HS3ST2: variants seen among roughly 807,000 people sequenced by gnomAD.
The protein encoded by HS3ST2 is heparan sulfate-glucosamine 3-sulfotransferase 2.
Under a neutral mutation model 26.3 loss-of-function variants are expected in HS3ST2, and 17 were observed. The observed-to-expected ratio is 0.65, with a 90% CI of 0.44 to 0.97. The LOEUF (loss-of-function observed/expected upper bound fraction) is 0.97. Among genes scored for constraint, HS3ST2 ranks in the 50% least tolerant of loss-of-function variants. The pLI is 0.00. For synonymous variants in HS3ST2, 237 were observed against 219.2 expected, an observed-to-expected ratio of 1.08 and a Z score of -0.72; for missense variants, 402 against 501.2, an observed-to-expected ratio of 0.80 and a Z score of 1.89.
chr16:22,860,121 T>C (rs1176058594), intron 1 of HS3ST2, among the ~76,000 whole-genome samples: 1 of 152,192 alleles, frequency 6.6e-6, no homozygotes, highest in East Asian at 1.9e-4. Context: ...AGTCTGTTAT[T>C]GTGCTGCTAA....
Position 22,912,348 on chromosome 16 carries a change from C to A in HS3ST2, c.486-2596C>A, listed in dbSNP as rs150296181. 1.7e-4 allele frequency among the ~76,000 whole-genome samples: 26 copies of A among 152,154 alleles called. No individual in the cohort carries two copies. The East Asian group carries it at 4.6e-3, about 27-fold the overall frequency. On this transcript the variant is annotated intron_variant, in intron 1 of 1. Transcript: ENST00000261374. Reference sequence around the variant, plus strand: ...TGGAGTGTCAAAGGTCAAAGAACTGCGAGGCCAGGGTATTGGGTGGAGATA... The same window carrying A: ...TGGAGTGTCAAAGGTCAAAGAACTGAGAGGCCAGGGTATTGGGTGGAGATA...
At chr16:22,866,207 T>C (rs1228505231) in intron 1 of HS3ST2, among the ~76,000 whole-genome samples, 3 of 152,058 alleles carry the variant, frequency 2.0e-5, no homozygotes, top group African/African-American at 4.8e-5. Context: ...CATTGTTTTG[T>C]GATTAGCAGA....
intron 1 of HS3ST2, among the ~76,000 whole-genome samples, chr16:22,824,522 G>T (rs1302349710): frequency 6.6e-6 from 1 of 152,102 alleles, no homozygotes; most frequent in African/African-American, 2.4e-5. Context: ...ACTCCAGCCT[G>T]GGTGACAGGG....
At chr16:22,905,858 T>A (rs753851993) in intron 1 of HS3ST2, among the ~76,000 whole-genome samples, 5 of 152,196 alleles carry the variant, frequency 3.3e-5, no homozygotes, top group African/African-American at 4.8e-5. Flanking sequence ...ATCGTAAGAA[T>A]CATGGGGGAG....
intron 1 of HS3ST2, among the ~76,000 whole-genome samples, chr16:22,894,381 G>T: frequency 6.6e-6 from 1 of 152,190 alleles, no homozygotes; most frequent in Admixed American, 6.5e-5. Flanking sequence ...GTGGGTAGGG[G>T]GAAGGCTCTG....
At chr16:22,857,428 C>T (rs911808490) in intron 1 of HS3ST2, among the ~76,000 whole-genome samples, 1 of 152,090 alleles carries the variant, frequency 6.6e-6, no homozygotes, top group African/African-American at 2.4e-5. Flanking sequence ...GATTTTAAAG[C>T]GTAAACAGTG....
chr16:22,914,062 TG>T (rs993944189), intron 1 of HS3ST2, among the ~76,000 whole-genome samples: 1 of 151,854 alleles, frequency 6.6e-6, no homozygotes, highest in African/African-American at 2.4e-5. Context: ...CAATGGAGCC[TG>T]GAGTTCGAGG....
At chr16:22,909,912 C>T (rs543209559) in intron 1 of HS3ST2, among the ~76,000 whole-genome samples, 2 of 152,026 alleles carry the variant, frequency 1.3e-5, no homozygotes, top group South Asian at 4.1e-4. Context: ...TGGCACATGC[C>T]TGTAATCCCA....
chr16:22,900,584 A>G (rs1902269955), intron 1 of HS3ST2, among the ~76,000 whole-genome samples: 1 of 152,076 alleles, frequency 6.6e-6, no homozygotes, highest in Admixed American at 6.6e-5. Context: ...CAACTGGTGA[A>G]TGGTGGGGCC....
chr16:22,846,398 C>G (rs971062466), intron 1 of HS3ST2, among the ~76,000 whole-genome samples: 5 of 152,156 alleles, frequency 3.3e-5, no homozygotes, highest in African/African-American at 9.7e-5. Context: ...GCTCTCACCT[C>G]TAATGCCTCC....
rs113626422 is a variant in HS3ST2, at chr16:22,834,752, C to T, written c.485+19657C>T. Among the ~76,000 whole-genome samples the T allele has an allele frequency of 8.0e-3, 1,180 of 146,588 alleles. 15 individuals carry two copies. The highest frequency in any genetic ancestry group is 0.026 in the African/African-American group (1,069 of 40,456). On this transcript the variant is annotated intron_variant, in intron 1 of 1. Transcript: ENST00000261374. ...TGGCAATAGAGCTGAAGCATTTATA[C>T]TTCCCTAGCACAGTCTGAAAGGACT...
intron 1 of HS3ST2, among the ~76,000 whole-genome samples, chr16:22,840,223 C>T (rs1003633960): frequency 6.6e-6 from 1 of 152,116 alleles, no homozygotes; most frequent in African/African-American, 2.4e-5. Context: ...GGCCATAGGT[C>T]AAAGGGCACA....
At chr16:22,897,989 G>T (rs988075972) in intron 1 of HS3ST2, among the ~76,000 whole-genome samples, 2 of 152,218 alleles carry the variant, frequency 1.3e-5, no homozygotes, top group African/African-American at 4.8e-5. Context: ...AAGACGATAA[G>T]TAAACACACT....
At position 22,861,774 on chromosome 16, in the gene HS3ST2, A is replaced by G. The variant is rs1420731299; in HGVS notation, c.485+46679A>G. The stretch of plus-strand genomic sequence containing the variant: ...TGCTGCAATCCTCTGTGGGCCTCCT[A>G]CTTCCCCCTTGCTCACCACCCTCCA... On this transcript the variant is annotated intron_variant, in intron 1 of 1. Transcript: ENST00000261374. Among the ~76,000 whole-genome samples, 3 of 152,040 alleles carry G rather than the reference A, an allele frequency of 2.0e-5. No individual in the cohort carries two copies. In the East Asian group the frequency reaches 5.8e-4, roughly 30 times the overall value.
chr16:22,898,796 C>T (rs545009933), intron 1 of HS3ST2, among the ~76,000 whole-genome samples: 1 of 152,338 alleles, frequency 6.6e-6, no homozygotes, highest in South Asian at 2.1e-4. Context: ...AGGCAGCTGA[C>T]TTCCCAGTGC....
In HS3ST2 at chr16:22,815,061, G is replaced by C. The variant is rs1468576541; in HGVS notation, c.451G>C (p.Asp151His). 1 of 1,613,028 alleles carries C rather than the reference G, an allele frequency of 6.2e-7. No homozygotes were observed. The highest frequency in any genetic ancestry group is 1.7e-5 in the Admixed American group (1 of 60,010). Reference sequence around the variant, plus strand: ...CTTGGGCACGGAACCCCACTTCTTTGACAGGAACTACGGCCGCGGGCTGGA... The same window carrying C: ...CTTGGGCACGGAACCCCACTTCTTTCACAGGAACTACGGCCGCGGGCTGGA... ...RALGTEPHFFDRNYGRGLDWY... is the reference protein window; with the variant it reads ...RALGTEPHFFHRNYGRGLDWY... Residue 151 changes from aspartate (D) to histidine (H), a missense_variant, in exon 1 of 2, where the codon GAC becomes CAC. Physicochemically the swap from Asp to His is moderately conservative, Grantham distance 81. Coordinates refer to ENST00000261374, the MANE Select transcript of HS3ST2 (RefSeq NM_006043.2).
At chr16:22,891,402 G>A (rs1054290439) in intron 1 of HS3ST2, among the ~76,000 whole-genome samples, 4 of 152,184 alleles carry the variant, frequency 2.6e-5, no homozygotes, top group South Asian at 4.2e-4. Context: ...CTGAGGTTAA[G>A]TGACTTGCCT....
intron 1 of HS3ST2, among the ~76,000 whole-genome samples, chr16:22,883,514 A>G (rs1363754715): frequency 6.6e-6 from 1 of 152,260 alleles, no homozygotes; most frequent in African/African-American, 2.4e-5. Flanking sequence ...GGCATCCACA[A>G]TTAGCACAAT....
intron 1 of HS3ST2, among the ~76,000 whole-genome samples, chr16:22,848,468 T>G (rs1481240328): frequency 6.6e-6 from 1 of 152,212 alleles, no homozygotes; most frequent in Non-Finnish European, 1.5e-5. Context: ...CACCAGAGAC[T>G]GGAGCAGAAG....
Sources: allele counts gnomAD v4.1 joint callset (sites outside exome capture counted in the v4.1 genomes callset), GRCh38; gene constraint gnomAD v4.1.1; transcripts MANE v1.5; gene names NCBI Gene and HGNC (gene_info 2026-07-23, HGNC 2026-07-21).